Variants in ENOX1 observed in about 807,000 individuals in gnomAD.
ENOX1 encodes the protein candidate growth-related and time keeping constitutive hydroquinone (NADH) oxidase.
Under a neutral mutation model 82.5 loss-of-function variants are expected in ENOX1, and 42 were observed. That is an observed-to-expected ratio of 0.51 (90% CI 0.40 to 0.66). The LOEUF (loss-of-function observed/expected upper bound fraction) is 0.66, where lower values mean the gene tolerates loss of function less well. ENOX1 is among the 30% of genes least tolerant of loss of function. The probability of loss-of-function intolerance (pLI) is 0.00; values close to 1 mark genes in which losing one functional copy is unlikely to be tolerated. For synonymous variants in ENOX1, 271 were observed against 282.2 expected (o/e 0.96, Z 0.40); for missense variants, 608 against 811.6 (o/e 0.75, Z 3.05).
chr13:43,451,215 T>C lies in ENOX1; in HGVS notation c.-75+32794A>G, dbSNP rs77930033. 8.3e-3 allele frequency among the ~76,000 whole-genome samples: 1,259 copies of C among 152,294 alleles called. 13 individuals carry two copies. Among genetic ancestry groups the C allele is most frequent in the African/African-American group, 0.028 (1,148 of 41,550 alleles). ...CAGACGCTGCAAGGCACTGAATATA[T>C]ATACTTGGTCTTATTTTGCTTTAAG... On this transcript the variant is annotated intron_variant, in intron 3 of 16. Coordinates refer to ENST00000690772, the MANE Select transcript of ENOX1 (RefSeq NM_001347969.2).
Position 43,259,599 on chromosome 13 carries a change from C to T in ENOX1, c.1611+5799G>A, listed in dbSNP as rs776264952. Among the ~76,000 whole-genome samples, 12 of 152,128 alleles carry T rather than the reference C, an allele frequency of 7.9e-5. No individual in the cohort carries two copies. In the South Asian group the frequency reaches 1.0e-3, roughly 13 times the overall value. On this transcript the variant is annotated intron_variant, in intron 14 of 16. Transcript: ENST00000690772. ...AAGCAATTCTCCTACCTCAGCCTCC[C>T]GAGTAGCTGGGATTTACAGGCATGT...
chr13:43,719,681 C>T (rs998103632), intron 1 of ENOX1, among the ~76,000 whole-genome samples: 3 of 152,056 alleles, frequency 2.0e-5, no homozygotes, highest in African/African-American at 7.2e-5. Context: ...CAAGTGTGGA[C>T]AGTCTCGGAA....
chr13:43,582,898 A>G (rs2080811468), intron 2 of ENOX1, among the ~76,000 whole-genome samples: 1 of 152,196 alleles, frequency 6.6e-6, no homozygotes, highest in Non-Finnish European at 1.5e-5. Context: ...ATGTCAACCT[A>G]CTTCCAGAAG....
intron 14 of ENOX1, among the ~76,000 whole-genome samples, chr13:43,242,807 A>G (rs1405558707): frequency 6.6e-6 from 1 of 152,236 alleles, no homozygotes; most frequent in Non-Finnish European, 1.5e-5. Flanking sequence ...CTTTTGCTTA[A>G]TGATACAGGG....
chr13:43,582,224 T>C (rs1267997320), intron 2 of ENOX1, among the ~76,000 whole-genome samples: 2 of 151,998 alleles, frequency 1.3e-5, no homozygotes, highest in Admixed American at 6.6e-5. Context: ...AAAAAATTAA[T>C]AACATGCAGA....
chr13:43,650,116 CA>C (rs1472129361), intron 2 of ENOX1, among the ~76,000 whole-genome samples: 2 of 152,292 alleles, frequency 1.3e-5, no homozygotes, highest in East Asian at 3.9e-4. Flanking sequence ...GAAGGAACCT[CA>C]AGGCCTCACC....
rs545507951 is a variant in ENOX1, at chr13:43,299,984, C to T, written c.1262-1454G>A. Among the ~76,000 whole-genome samples the T allele has an allele frequency of 7.9e-5, 12 of 152,284 alleles. No homozygotes were observed. The South Asian group carries it at 2.5e-3, about 32-fold the overall frequency. ...GTTCTCTGAGACCACAGTGAATTCT[C>T]TCCTCAAATATCAAATGTCAAATTA... is the stretch of plus-strand genomic sequence containing the variant. On this transcript the variant is annotated intron_variant, in intron 11 of 16. Coordinates refer to ENST00000690772, the MANE Select transcript of ENOX1 (RefSeq NM_001347969.2).
chr13:43,358,985 G>C (rs2050322882), intron 7 of ENOX1, among the ~76,000 whole-genome samples: 1 of 152,108 alleles, frequency 6.6e-6, no homozygotes, highest in Non-Finnish European at 1.5e-5. Flanking sequence ...AAGTCTTCTG[G>C]AGTTTGCACA....
At chr13:43,287,297 C>T (rs571216478) in intron 12 of ENOX1, among the ~76,000 whole-genome samples, 9 of 152,284 alleles carry the variant, frequency 5.9e-5, no homozygotes, top group South Asian at 2.1e-4. Context: ...AGACTTGTCC[C>T]GACTAACTCT....
At chr13:43,579,156 C>T (rs951886964) in intron 2 of ENOX1, among the ~76,000 whole-genome samples, 5 of 151,972 alleles carry the variant, frequency 3.3e-5, no homozygotes, top group African/African-American at 4.8e-5. Flanking sequence ...TGTCTGGGAC[C>T]TACTAAGCAC....
At chr13:43,686,422 G>GA (rs995959631) in intron 1 of ENOX1, among the ~76,000 whole-genome samples, 11 of 151,842 alleles carry the variant, frequency 7.2e-5, no homozygotes, top group South Asian at 4.2e-4. Flanking sequence ...AAGATGAGCA[G>GA]AAAAAAAATG....
In ENOX1 at chr13:43,404,506, G is replaced by T. The variant is rs115054411; in HGVS notation, c.208+7410C>A. On this transcript the variant is annotated intron_variant, in intron 5 of 16. Transcript: ENST00000690772. ...AGTCTAATTTATCCTTTAGGTCTTA[G>T]TTTGAATATTACTACTTTAGGGGAA... is the stretch of plus-strand genomic sequence containing the variant. 2.5e-3 allele frequency among the ~76,000 whole-genome samples: 385 copies of T among 151,982 alleles called. 1 individual carries two copies. Among genetic ancestry groups the T allele is most frequent in the African/African-American group, 8.9e-3 (369 of 41,428 alleles).
At chr13:43,399,106 A>T (rs1289553471) in intron 5 of ENOX1, among the ~76,000 whole-genome samples, 4 of 152,044 alleles carry the variant, frequency 2.6e-5, no homozygotes, top group African/African-American at 9.7e-5. Context: ...TCATTTCTTA[A>T]TAACATTTAT....
At chr13:43,227,762 T>C (rs2042092167) in intron 15 of ENOX1, among the ~76,000 whole-genome samples, 1 of 152,166 alleles carries the variant, frequency 6.6e-6, no homozygotes, top group South Asian at 2.1e-4. Context: ...TAAGAAGCCA[T>C]TAGCTTTTCC....
At chr13:43,521,361 T>C (rs1335016532) in intron 2 of ENOX1, among the ~76,000 whole-genome samples, 2 of 152,126 alleles carry the variant, frequency 1.3e-5, no homozygotes, top group African/African-American at 4.8e-5. Context: ...CAGGGTACTA[T>C]AGGCCCCTAG....
chr13:43,375,271 T>TGA (rs148509398), intron 5 of ENOX1, among the ~76,000 whole-genome samples: 1 of 149,290 alleles, frequency 6.7e-6, no homozygotes, highest in African/African-American at 2.5e-5. Context: ...GGGGGGTGAG[T>TGA]GAGAGAGAGA....
chr13:43,699,671 T>G (rs1483634086), intron 1 of ENOX1, among the ~76,000 whole-genome samples: 2 of 152,218 alleles, frequency 1.3e-5, no homozygotes, highest in African/African-American at 4.8e-5. Flanking sequence ...TATTTAGGGC[T>G]TGAAGTATAT....
chr13:43,445,391 G>A (rs1307463695), intron 3 of ENOX1, among the ~76,000 whole-genome samples: 1 of 152,102 alleles, frequency 6.6e-6, no homozygotes, highest in Admixed American at 6.5e-5. Context: ...CCAAAGTGCT[G>A]GGATTACAGG....
In ENOX1 at chr13:43,236,715, T is replaced by G; in HGVS notation, c.1635A>C (p.Ala545=). Residue 545 remains alanine, a synonymous_variant, in exon 15 of 17, where the codon GCA becomes GCC. Transcript: ENST00000690772. Reference sequence around the variant, plus strand: ...TGTTCTCTCGGTCTTGGTTGACTAATGCAACTGTCAACACATTGATTTCCT... The same window carrying G: ...TGTTCTCTCGGTCTTGGTTGACTAAGGCAACTGTCAACACATTGATTTCCT... The part of the protein sequence containing the change: ...DSNEINVLTV[A]LVNQDRENNI... The G allele has an allele frequency of 6.3e-7, 1 of 1,584,514 alleles. No individual in the cohort carries two copies. The highest frequency in any genetic ancestry group is 8.5e-7 in the Non-Finnish European group (1 of 1,172,382).
Sources: gnomAD v4.1 joint callset for allele counts (sites outside exome capture counted in the v4.1 genomes callset) on GRCh38, gnomAD v4.1.1 for gene constraint, MANE v1.5 for transcripts, NCBI Gene and HGNC (gene_info 2026-07-23, HGNC 2026-07-21) for gene names.